The following MEF2B variants were observed in gnomAD, a reference collection of about 807,000 sequenced individuals.
MEF2B encodes myocyte enhancer factor 2B, also known as myocyte-specific enhancer factor 2B.
A neutral mutation model predicts 32.2 loss-of-function variants in MEF2B; 15 were observed. That is an observed-to-expected ratio of 0.47 (90% CI 0.31 to 0.72). MEF2B has a LOEUF of 0.72. MEF2B is among the 30% of genes least tolerant of loss of function. The pLI is 0.05. For synonymous variants in MEF2B, 205 were observed against 225.6 expected (o/e 0.91, Z 0.82); for missense variants, 441 against 511.5 (o/e 0.86, Z 1.33).
At chr19:19,150,523 C>CAAAAA (rs67741867) in intron 2 of MEF2B, among the ~76,000 whole-genome samples, 159 bp downstream of exon 2, 1 of 103,390 alleles carries the variant, frequency 9.7e-6, no homozygotes, top group Non-Finnish European at 2.0e-5. Flanking sequence ...GACTTCATCT[C>CAAAAA]AAAAAAAAAA....
chr19:19,164,486 C>A (rs1474731144), intron 1 of MEF2B, among the ~76,000 whole-genome samples: 1 of 152,170 alleles, frequency 6.6e-6, no homozygotes, highest in Non-Finnish European at 1.5e-5. Flanking sequence ...CCATGGCAAA[C>A]CTGACCTGGC....
At chr19:19,150,172 GA>G (rs2060062894) in intron 2 of MEF2B, among the ~76,000 whole-genome samples, 1 of 108,040 alleles carries the variant, frequency 9.3e-6, no homozygotes, top group African/African-American at 3.9e-5. Flanking sequence ...GGGAGGGAAG[GA>G]GGGAGGGAGG....
chr19:19,168,908 T>A (rs2060231003), intron 1 of MEF2B, among the ~76,000 whole-genome samples: 1 of 147,154 alleles, frequency 6.8e-6, no homozygotes. Flanking sequence ...AATTAGCTGG[T>A]CATGGTGGCA....
At position 19,145,928 on chromosome 19, in the gene MEF2B, C is replaced by A. The variant is rs2060021366; in HGVS notation, c.976G>T (p.Ala326Ser). 6.9e-7 allele frequency: 1 copy of A among 1,439,934 alleles called. No homozygotes were observed. Among genetic ancestry groups the A allele is most frequent in the Non-Finnish European group, 9.1e-7 (1 of 1,096,020 alleles). 89.2% of individuals were successfully genotyped at this position (1,439,934 alleles called of 1,614,324 possible). The part of the protein sequence containing the change: ...VSIKSERLSP[A>S]PGGPGDFPKT... ...GGAAAGTCGCCGGGGCCCCCGGGGG[C>A]CGGAGAGAGGCGCTCAGACTTGATG... The change falls in exon 9 of 9, where the codon GCC becomes TCC. Residue 326 changes from alanine (A) to serine (S), a missense_variant. Coordinates refer to ENST00000424583, the MANE Select transcript of MEF2B (RefSeq NM_001145785.2). The surrounding 1 kb of genome is among the most constrained non-coding windows in gnomAD (Gnocchi z 4.6).
In MEF2B at chr19:19,146,391, G is replaced by C; in HGVS notation, c.770-7C>G. The C allele has an allele frequency of 9.2e-7, 1 of 1,085,894 alleles. No individual in the cohort carries two copies. The highest frequency in any genetic ancestry group is 1.6e-5 in the African/African-American group (1 of 61,552). The allele number at this position is 1,085,894 out of a possible 1,614,324, so 67.3% of individuals were successfully genotyped here. A position where few individuals can be genotyped will look rare whatever the true frequency, so the allele number is the denominator to read the frequency against. On this transcript the variant is annotated splice_polypyrimidine_tract_variant and splice_region_variant and intron_variant, in intron 7 of 8. Coordinates refer to ENST00000424583, the MANE Select transcript of MEF2B (RefSeq NM_001145785.2). ...GGGTCTCCCAGGCCATATTCTGGTG[G>C]GCAGGAATTGGGGGCTGAGGCCTGG...
intron 1 of MEF2B, among the ~76,000 whole-genome samples, chr19:19,169,648 G>A (rs965460790): frequency 6.6e-6 from 1 of 152,176 alleles, no homozygotes; most frequent in Non-Finnish European, 1.5e-5. Context: ...CTTGTCATGT[G>A]CTAACAACCA....
chr19:19,146,141 G>T, intron 8 of MEF2B, 119 bp from the exon 9 acceptor site: 2 of 966,856 alleles, frequency 2.1e-6, no homozygotes, highest in East Asian at 6.0e-5. Context: ...GGGGGTGGCG[G>T]TCCCTCTTGG....
At chr19:19,151,512 C>T (rs1040661664) in intron 1 of MEF2B, among the ~76,000 whole-genome samples, 6 of 152,124 alleles carry the variant, frequency 3.9e-5, no homozygotes, top group Admixed American at 6.5e-5. Context: ...TGGGAACAAT[C>T]GAATCATGTG....
intron 3 of MEF2B, 90 bp downstream of exon 3, chr19:19,149,136 C>A: frequency 1.3e-6 from 2 of 1,495,424 alleles, no homozygotes; most frequent in Non-Finnish European, 1.8e-6. Context: ...GATGAAGACA[C>A]TCATCTTTTG....
intron 1 of MEF2B, among the ~76,000 whole-genome samples, chr19:19,156,600 G>A (rs1329878557): frequency 6.6e-6 from 1 of 152,126 alleles, no homozygotes; most frequent in African/African-American, 2.4e-5. Flanking sequence ...ACAGGAAAGT[G>A]CAGCATTATT....
chr19:19,166,794 T>G (rs1388573829), intron 1 of MEF2B, among the ~76,000 whole-genome samples: 2 of 144,318 alleles, frequency 1.4e-5, no homozygotes, highest in African/African-American at 5.2e-5. Flanking sequence ...CAGGGCGTGG[T>G]GGCTCATGCC....
chr19:19,169,017 G>A (rs759423472), intron 1 of MEF2B, among the ~76,000 whole-genome samples: 46 of 151,864 alleles, frequency 3.0e-4, no homozygotes, highest in Non-Finnish European at 4.7e-4. Context: ...GAGCCACTGC[G>A]CTCCAGCCTG....
chr19:19,164,617 C>T (rs974360141), intron 1 of MEF2B, among the ~76,000 whole-genome samples: 3 of 152,202 alleles, frequency 2.0e-5, no homozygotes, highest in Non-Finnish European at 4.4e-5. Flanking sequence ...AGTTTGAGAC[C>T]AGCCTGGCCA....
chr19:19,155,026 G>A (rs1317490255), intron 1 of MEF2B, among the ~76,000 whole-genome samples: 1 of 152,184 alleles, frequency 6.6e-6, no homozygotes, highest in Non-Finnish European at 1.5e-5. Context: ...ATGAACTCAC[G>A]CAGGAGTTTC....
At chr19:19,146,899 A>G in intron 5 of MEF2B, 24 bp from the exon 6 acceptor site, 2 of 1,604,038 alleles carry the variant, frequency 1.2e-6, no homozygotes, top group Non-Finnish European at 1.7e-6. Context: ...GACCCCAGAG[A>G]GAGAGGACAG....
intron 3 of MEF2B, 101 bp downstream of exon 3, chr19:19,149,125 A>G (rs1283936914): frequency 1.4e-6 from 2 of 1,444,192 alleles, no homozygotes; most frequent in African/African-American, 1.4e-5. Context: ...CCACAAAGCC[A>G]GATGAAGACA....
chr19:19,156,618 A>T (rs576392391), intron 1 of MEF2B, among the ~76,000 whole-genome samples: 56 of 152,288 alleles, frequency 3.7e-4, no homozygotes, highest in African/African-American at 1.3e-3. Context: ...ATTTCAGTGA[A>T]CTTAGATCTT....
intron 1 of MEF2B, among the ~76,000 whole-genome samples, chr19:19,162,966 C>T (rs2060176981): frequency 1.3e-5 from 2 of 152,132 alleles, no homozygotes; most frequent in Non-Finnish European, 1.5e-5. Context: ...CCCAGCCCAC[C>T]TTCTGCCCCT....
At chr19:19,150,859 C>T (rs747906540) in intron 1 of MEF2B, 95 bp from the exon 2 acceptor site, 434 of 1,438,926 alleles carry the variant, frequency 3.0e-4, no homozygotes, top group South Asian at 1.2e-3. Flanking sequence ...CCCTGCCAGC[C>T]ACTGAGAGGA....
Sources: gnomAD v4.1 joint callset for allele counts (sites outside exome capture counted in the v4.1 genomes callset) on GRCh38, gnomAD v4.1.1 for gene constraint, Gnocchi (gnomAD v3.1) non-coding constraint, MANE v1.5 for transcripts, NCBI Gene and HGNC (gene_info 2026-07-23, HGNC 2026-07-21) for gene names.